IL1RAPL2: variants seen among roughly 807,000 people sequenced by gnomAD.
IL1RAPL2 encodes the protein X-linked interleukin-1 receptor accessory protein-like 2.
Under a neutral mutation model 44.1 loss-of-function variants are expected in IL1RAPL2, and 3 were observed. The ratio of observed to expected loss-of-function variants is 0.07; its 90% CI spans 0.03 to 0.18. The LOEUF (loss-of-function observed/expected upper bound fraction) is 0.18. IL1RAPL2 is among the 10% of genes least tolerant of loss of function. The pLI is 1.00. For synonymous variants in IL1RAPL2, 181 were observed against 178.8 expected, an observed-to-expected ratio of 1.01 and a Z score of -0.10; for missense variants, 391 against 496.4, an observed-to-expected ratio of 0.79 and a Z score of 2.02.
intron 5 of IL1RAPL2, among the ~76,000 whole-genome samples, chrX:105,432,081 C>G (rs1230884677): frequency 9.8e-6 from 1 of 102,516 alleles, no homozygotes; most frequent in Non-Finnish European, 2.0e-5. Flanking sequence ...GTACACAGGA[C>G]TAAGCTTCCA....
At chrX:105,237,545 T>C (rs1051975593) in intron 4 of IL1RAPL2, among the ~76,000 whole-genome samples, 4 of 112,007 alleles carry the variant, frequency 3.6e-5, no homozygotes, top group Non-Finnish European at 5.6e-5. Context: ...TTCTAACTGG[T>C]GTGAGATGGT....
chrX:105,591,591 G>A (rs1331562979), intron 6 of IL1RAPL2, among the ~76,000 whole-genome samples: 1 of 111,201 alleles, frequency 9.0e-6, no homozygotes, highest in Non-Finnish European at 1.9e-5. Flanking sequence ...CTTTAGCTGT[G>A]TCCCAGAGAT....
At chrX:104,987,212 G>A (rs911710942) in intron 2 of IL1RAPL2, among the ~76,000 whole-genome samples, 3 of 111,445 alleles carry the variant, frequency 2.7e-5, no homozygotes, top group Non-Finnish European at 3.8e-5. Context: ...TTACTCAGCA[G>A]TCAGGGCTAC....
intron 1 of IL1RAPL2, among the ~76,000 whole-genome samples, chrX:104,638,320 A>T (rs771554545): frequency 9.1e-6 from 1 of 110,365 alleles, no homozygotes; most frequent in African/African-American, 3.3e-5. Context: ...TTTTCATTCT[A>T]TTGGTCCTGT....
chrX:104,588,952 T>A (rs769907290), intron 1 of IL1RAPL2, among the ~76,000 whole-genome samples: 1 of 112,194 alleles, frequency 8.9e-6, no homozygotes, highest in South Asian at 3.7e-4. Flanking sequence ...TTTAGTTTCT[T>A]CATTTTTGTA....
At chrX:104,939,451 CT>C (rs955619560) in intron 2 of IL1RAPL2, among the ~76,000 whole-genome samples, 5 of 110,807 alleles carry the variant, frequency 4.5e-5, no homozygotes, top group Middle Eastern at 4.7e-3. Context: ...TTTAAGCAGC[CT>C]TTTTTTTGGT....
At chrX:105,239,578 G>GCTGCAAAATCC (rs2034151478) in intron 4 of IL1RAPL2, among the ~76,000 whole-genome samples, 1 of 87,472 alleles carries the variant, frequency 1.1e-5, no homozygotes, top group Non-Finnish European at 2.0e-5. Flanking sequence ...TATAAGGCTG[G>GCTGCAAAATCC]TTATCCATGT....
At chrX:105,276,546 T>G (rs929564123) in intron 5 of IL1RAPL2, among the ~76,000 whole-genome samples, 1 of 112,707 alleles carries the variant, frequency 8.9e-6, no homozygotes, top group Non-Finnish European at 1.9e-5. Flanking sequence ...GACTCAACCC[T>G]AGCTGATTGC....
At chrX:104,621,393 G>T (rs772975778) in intron 1 of IL1RAPL2, among the ~76,000 whole-genome samples, 12 of 109,429 alleles carry the variant, frequency 1.1e-4, no homozygotes, top group Non-Finnish European at 1.9e-4. Context: ...CTGGCATCCA[G>T]GACCAGCTTG....
chrX:105,142,609 A>C (rs1226455515), intron 2 of IL1RAPL2, among the ~76,000 whole-genome samples: 1 of 107,715 alleles, frequency 9.3e-6, no homozygotes, highest in Non-Finnish European at 1.9e-5. Flanking sequence ...TTTTTTTTTT[A>C]GCTTTCACAT....
chrX:105,207,085 T>A (rs1158851929), intron 3 of IL1RAPL2, among the ~76,000 whole-genome samples: 1 of 111,764 alleles, frequency 8.9e-6, no homozygotes, highest in Non-Finnish European at 1.9e-5. Flanking sequence ...ACAAATGAGA[T>A]CTCATTCCTT....
At chrX:104,915,613 T>C (rs2147686732) in intron 2 of IL1RAPL2, among the ~76,000 whole-genome samples, 1 of 110,814 alleles carries the variant, frequency 9.0e-6, no homozygotes, top group African/African-American at 3.3e-5. Context: ...TTGCCATTGC[T>C]TTTGGTGTTT....
intron 2 of IL1RAPL2, among the ~76,000 whole-genome samples, chrX:105,063,316 T>C (rs1000938245): frequency 8.9e-6 from 1 of 112,804 alleles, no homozygotes; most frequent in Middle Eastern, 4.6e-3. Flanking sequence ...CTTCTCTGTG[T>C]TATTGTGAAT....
intron 9 of IL1RAPL2, chrX:105,752,979 C>T (rs982150478): frequency 3.0e-5 from 10 of 328,718 alleles, no homozygotes; most frequent in East Asian, 9.8e-5. Flanking sequence ...TTCTAGAATG[C>T]GAGGTAAAAT....
At chrX:104,866,097 A>T (rs1362572312) in intron 2 of IL1RAPL2, among the ~76,000 whole-genome samples, 2 of 111,956 alleles carry the variant, frequency 1.8e-5, no homozygotes, top group African/African-American at 6.5e-5. Flanking sequence ...TGAATGGATT[A>T]ATTAATTAAG....
intron 3 of IL1RAPL2, among the ~76,000 whole-genome samples, chrX:105,209,742 T>A (rs781896793): frequency 1.8e-5 from 2 of 111,956 alleles, no homozygotes; most frequent in Non-Finnish European, 3.8e-5. Flanking sequence ...TTAATAGGCA[T>A]AACACAGGAA....
chrX:104,717,508 T>C (rs1931593144), intron 2 of IL1RAPL2, among the ~76,000 whole-genome samples: 1 of 108,888 alleles, frequency 9.2e-6, no homozygotes, highest in Admixed American at 9.8e-5. Flanking sequence ...CAAGGGTTCA[T>C]ACAAAAATGG....
At chrX:104,770,559 C>A (rs1932625240) in intron 2 of IL1RAPL2, among the ~76,000 whole-genome samples, 1 of 111,553 alleles carries the variant, frequency 9.0e-6, no homozygotes, top group African/African-American at 3.3e-5. Flanking sequence ...ATTATGATCT[C>A]CATTTTATGG....
intron 3 of IL1RAPL2, among the ~76,000 whole-genome samples, chrX:105,207,270 T>C (rs1402160739): frequency 9.0e-6 from 1 of 111,542 alleles, no homozygotes; most frequent in Non-Finnish European, 1.9e-5. Context: ...TCCTGACTTA[T>C]AACAAATTAA....
Sources: gnomAD v4.1 joint callset for allele counts (sites outside exome capture counted in the v4.1 genomes callset) on GRCh38, gnomAD v4.1.1 for gene constraint, MANE v1.5 for transcripts, NCBI Gene and HGNC (gene_info 2026-07-23, HGNC 2026-07-21) for gene names.